Variants in NUDT21 observed in about 807,000 individuals in gnomAD.
NUDT21 encodes cleavage and polyadenylation specificity factor subunit 5.
In NUDT21, 5 loss-of-function variants were observed where a neutral mutation model predicts 29.8. The ratio of observed to expected loss-of-function variants is 0.17; its 90% CI spans 0.09 to 0.35. NUDT21 has a LOEUF of 0.35. NUDT21 is among the 10% of genes least tolerant of loss of function. NUDT21 has a pLI of 1.00. For missense variants in NUDT21, 76 were observed against 276.0 expected (o/e 0.28, Z 5.13); for synonymous variants, 113 against 98.5 (o/e 1.15, Z -0.87).
intron 2 of NUDT21, 133 bp from the exon 3 acceptor site, chr16:56,446,822 A>T: frequency 1.8e-6 from 1 of 549,506 alleles, no homozygotes; most frequent in Non-Finnish European, 3.2e-6. Context: ...ACAAGTATCA[A>T]AGTGAAGGGG....
intron 4 of NUDT21, among the ~76,000 whole-genome samples, chr16:56,438,017 G>A (rs1212654763): frequency 1.3e-5 from 2 of 152,052 alleles, no homozygotes; most frequent in Non-Finnish European, 2.9e-5. Context: ...ATTACAACAA[G>A]AAACAACCAA....
At chr16:56,438,436 A>T (rs1322232179) in intron 4 of NUDT21, among the ~76,000 whole-genome samples, 2 of 152,138 alleles carry the variant, frequency 1.3e-5, no homozygotes, top group Admixed American at 6.5e-5. Flanking sequence ...TTGCTAACAC[A>T]CACACGTGTA....
chr16:56,434,482 T>TA, intron 5 of NUDT21, 37 bp from the exon 6 acceptor site: 1 of 1,134,540 alleles, frequency 8.8e-7, no homozygotes, highest in Non-Finnish European at 1.3e-6. Flanking sequence ...TAAGTTATTA[T>TA]ATAATCACTG....
chr16:56,437,494 C>T (rs1247225724), intron 4 of NUDT21, among the ~76,000 whole-genome samples: 1 of 152,152 alleles, frequency 6.6e-6, no homozygotes, highest in Non-Finnish European at 1.5e-5. Flanking sequence ...CATTACGCTA[C>T]CTCTGATTTC....
At chr16:56,438,676 T>C (rs577891766) in intron 4 of NUDT21, among the ~76,000 whole-genome samples, 1 of 152,266 alleles carries the variant, frequency 6.6e-6, no homozygotes. Context: ...ATACAATTTC[T>C]AGATCTAACT....
intron 3 of NUDT21, among the ~76,000 whole-genome samples, chr16:56,443,114 G>C (rs1453737023): frequency 6.6e-6 from 1 of 152,100 alleles, no homozygotes; most frequent in Non-Finnish European, 1.5e-5. Flanking sequence ...ACTCACAAGG[G>C]AGAAGCAACA....
At chr16:56,433,102 T>C (rs1357318724) in intron 6 of NUDT21, among the ~76,000 whole-genome samples, 5 of 152,024 alleles carry the variant, frequency 3.3e-5, no homozygotes, top group African/African-American at 1.2e-4. Flanking sequence ...ATATGACTCT[T>C]TTCCCCCCAT....
chr16:56,442,337 G>C (rs1038295254), intron 3 of NUDT21, among the ~76,000 whole-genome samples: 2 of 152,170 alleles, frequency 1.3e-5, no homozygotes, highest in Admixed American at 6.5e-5. Context: ...TTGAAACTCT[G>C]CATGTCTAGA....
chr16:56,439,606 A>T, intron 4 of NUDT21, 51 bp downstream of exon 4: 1 of 1,192,476 alleles, frequency 8.4e-7, no homozygotes. Context: ...GGCTAGAATT[A>T]AACGAGCTTT....
chr16:56,447,074 C>T (rs1962228134), intron 2 of NUDT21: 1 of 171,814 alleles, frequency 5.8e-6, no homozygotes, highest in Non-Finnish European at 1.2e-5. Context: ...TCACCCTCCC[C>T]ACCTTTGGAG....
At position 56,451,278 on chromosome 16, in the gene NUDT21, TC is replaced by T; in HGVS notation, c.-77del. 8.7e-7 allele frequency: 1 copy of T among 1,142,972 alleles called. No individual in the cohort carries two copies. The allele number at this position is 1,142,972 out of a possible 1,614,324, so 70.8% of individuals were successfully genotyped here. ...ACTTTCCCCGTGCGGGAAGCGGTTA[TC>T]TGCAATCCCCTCAGCGGCTACTGCC... On this transcript the variant is annotated 5_prime_UTR_variant, in exon 1 of 7. Coordinates refer to ENST00000300291, the MANE Select transcript of NUDT21 (RefSeq NM_007006.3).
At chr16:56,438,661 C>A (rs1659883404) in intron 4 of NUDT21, among the ~76,000 whole-genome samples, 1 of 152,092 alleles carries the variant, frequency 6.6e-6, no homozygotes, top group African/African-American at 2.4e-5. Flanking sequence ...ATTAACTGAG[C>A]CTGAATACAA....
intron 1 of NUDT21, among the ~76,000 whole-genome samples, chr16:56,450,086 G>A (rs117368208): frequency 0.011 from 1,718 of 152,244 alleles, 15 homozygotes; most frequent in Middle Eastern, 0.024. Context: ...ATTTTAATAT[G>A]AAACAGAGAA....
intron 3 of NUDT21, among the ~76,000 whole-genome samples, chr16:56,442,544 T>C (rs931952049): frequency 2.0e-5 from 3 of 152,202 alleles, no homozygotes; most frequent in African/African-American, 2.4e-5. Context: ...ACCTCCCACT[T>C]TGGAAGCTTT....
At chr16:56,443,492 A>G (rs778110569) in intron 3 of NUDT21, among the ~76,000 whole-genome samples, 9 of 152,102 alleles carry the variant, frequency 5.9e-5, no homozygotes, top group Non-Finnish European at 1.2e-4. Flanking sequence ...CATTATTTCT[A>G]TAGAAAATTC....
intron 3 of NUDT21, among the ~76,000 whole-genome samples, chr16:56,441,084 A>AG (rs1185418898): frequency 6.6e-6 from 1 of 152,040 alleles, no homozygotes; most frequent in Non-Finnish European, 1.5e-5. Flanking sequence ...TCTGTCACTC[A>AG]GGCTGGAGCA....
intron 6 of NUDT21, among the ~76,000 whole-genome samples, chr16:56,433,464 C>A (rs186112670): frequency 6.6e-6 from 1 of 152,262 alleles, no homozygotes; most frequent in East Asian, 1.9e-4. Context: ...TTCATAACCA[C>A]CATGTTATTC....
At chr16:56,436,942 A>C (rs985918548) in intron 4 of NUDT21, among the ~76,000 whole-genome samples, 2 of 152,220 alleles carry the variant, frequency 1.3e-5, no homozygotes, top group Non-Finnish European at 2.9e-5. Context: ...AGATATTCAG[A>C]AAAGTTATCT....
chr16:56,441,454 C>T (rs547184231), intron 3 of NUDT21, among the ~76,000 whole-genome samples: 43 of 151,912 alleles, frequency 2.8e-4, no homozygotes, highest in Non-Finnish European at 6.0e-4. Flanking sequence ...AGGATGGTCT[C>T]GATCTTTTGA....
Sources: allele counts gnomAD v4.1 joint callset (sites outside exome capture counted in the v4.1 genomes callset), GRCh38; gene constraint gnomAD v4.1.1; transcripts MANE v1.5; gene names NCBI Gene and HGNC (gene_info 2026-07-23, HGNC 2026-07-21).